PCDH15: variants seen among roughly 807,000 people sequenced by gnomAD.
PCDH15 encodes protocadherin-15.
In PCDH15, 129 loss-of-function variants were observed where a neutral mutation model predicts 178.5. The ratio of observed to expected loss-of-function variants is 0.72; its 90% CI spans 0.63 to 0.84. The LOEUF is 0.84. Ranked by LOEUF, PCDH15 falls within the 40% of genes least tolerant of loss-of-function variation. The pLI is 0.00. For missense variants in PCDH15, 2,230 were observed against 2,099.9 expected, an observed-to-expected ratio of 1.06 and a Z score of -1.21; for synonymous variants, 800 against 732.0, an observed-to-expected ratio of 1.09 and a Z score of -1.50.
chr10:54,521,812 G>T (rs557249721), intron 3 of PCDH15, among the ~76,000 whole-genome samples: 1 of 151,928 alleles, frequency 6.6e-6, no homozygotes, highest in Non-Finnish European at 1.5e-5. Flanking sequence ...AAAGTTGGCC[G>T]GGCGTGGTGG....
At chr10:53,903,451 CTT>C (rs1198227456) in intron 25 of PCDH15, 81 bp from the exon 26 acceptor site, 4 of 1,503,440 alleles carry the variant, frequency 2.7e-6, no homozygotes, top group Non-Finnish European at 3.7e-6. Context: ...ATTTGCTGCA[CTT>C]TTTTTTGGAA....
chr10:54,525,753 A>G lies in PCDH15; in HGVS notation c.157+2059T>C, dbSNP rs556263200. Among the ~76,000 whole-genome samples the G allele has an allele frequency of 2.6e-5, 4 of 152,320 alleles. No individual in the cohort carries two copies. The East Asian group carries it at 7.7e-4, about 29-fold the overall frequency. On this transcript the variant is annotated intron_variant, in intron 3 of 37. Transcript: ENST00000644397. ...GGACTACAGGCATGAGCCACCCAAC[A>G]TGGCCAAAAATAATTGTGTCATTGG...
intron 18 of PCDH15, among the ~76,000 whole-genome samples, chr10:54,025,908 C>T (rs1343318161): frequency 1.3e-5 from 2 of 152,110 alleles, no homozygotes; most frequent in Admixed American, 1.3e-4. Flanking sequence ...AGGCATCCTC[C>T]TTCACTTTTA....
At chr10:55,156,882 T>G in intron 2 of PCDH15, among the ~76,000 whole-genome samples, 1 of 152,090 alleles carries the variant, frequency 6.6e-6, no homozygotes, top group East Asian at 1.9e-4. Flanking sequence ...TGGAATAGGA[T>G]AGGCTGAGAT....
At chr10:54,167,847 C>T (rs960927060) in intron 13 of PCDH15, among the ~76,000 whole-genome samples, 1 of 150,740 alleles carries the variant, frequency 6.6e-6, no homozygotes, top group African/African-American at 2.4e-5. Flanking sequence ...TATTTCCGTG[C>T]CCCGACCCCT....
chr10:54,560,330 G>C (rs1359802227), intron 2 of PCDH15, among the ~76,000 whole-genome samples: 1 of 152,092 alleles, frequency 6.6e-6, no homozygotes, highest in Non-Finnish European at 1.5e-5. Flanking sequence ...TTCTAAAAGT[G>C]AGTGTTCCTG....
intron 3 of PCDH15, among the ~76,000 whole-genome samples, chr10:54,823,715 G>T (rs779152348): frequency 2.0e-5 from 3 of 151,904 alleles, no homozygotes; most frequent in Non-Finnish European, 4.4e-5. Context: ...GTACCCATTG[G>T]TGCTATTCTA....
chr10:53,912,619 G>A lies in PCDH15; in HGVS notation c.3374-9249C>T, dbSNP rs953157228. ...AAGTCTCAGGATACAAAATCAATGTGCAAAAATCACAAGCATTCCTATACA... is the reference window on the plus strand; with the variant it reads ...AAGTCTCAGGATACAAAATCAATGTACAAAAATCACAAGCATTCCTATACA... On this transcript the variant is annotated intron_variant, in intron 25 of 37. Coordinates refer to ENST00000644397, the MANE Select transcript of PCDH15 (RefSeq NM_001384140.1). Among the ~76,000 whole-genome samples, 5 of 152,128 alleles carry A rather than the reference G, an allele frequency of 3.3e-5. No homozygotes were observed. In the East Asian group the frequency reaches 5.8e-4, roughly 18 times the overall value.
At chr10:54,439,413 C>A (rs1028202077) in intron 3 of PCDH15, among the ~76,000 whole-genome samples, 2 of 152,012 alleles carry the variant, frequency 1.3e-5, no homozygotes, top group Admixed American at 1.3e-4. Flanking sequence ...TCTGGTGAAG[C>A]ATTTTAATGA....
At chr10:54,845,158 A>G (rs1012350501) in intron 3 of PCDH15, among the ~76,000 whole-genome samples, 2 of 151,764 alleles carry the variant, frequency 1.3e-5, no homozygotes, top group Admixed American at 6.6e-5. Flanking sequence ...AATGTGCTTA[A>G]TTACTTACCT....
At chr10:54,419,193 A>G (rs1314056214) in intron 3 of PCDH15, among the ~76,000 whole-genome samples, 3 of 151,830 alleles carry the variant, frequency 2.0e-5, no homozygotes, top group Non-Finnish European at 2.9e-5. Context: ...CTGTCAAAAC[A>G]ATTTAAGTTC....
chr10:53,832,434 T>C (rs2077067172), intron 29 of PCDH15, among the ~76,000 whole-genome samples: 1 of 151,916 alleles, frequency 6.6e-6, no homozygotes, highest in African/African-American at 2.4e-5. Context: ...GTGTTCTTAA[T>C]ACAACAACAC....
chr10:54,830,440 T>C (rs1452190059), intron 3 of PCDH15, among the ~76,000 whole-genome samples: 1 of 152,076 alleles, frequency 6.6e-6, no homozygotes, highest in African/African-American at 2.4e-5. Context: ...TGTAGGGACA[T>C]GGATGAAGCT....
intron 4 of PCDH15, 149 bp from the exon 5 acceptor site, chr10:54,369,424 A>G (rs1158798709): frequency 3.9e-6 from 3 of 770,642 alleles, no homozygotes; most frequent in Admixed American, 5.0e-5. Flanking sequence ...TTTTAAGGAC[A>G]AGAGAAGACA....
At chr10:54,323,762 G>A (rs2061755987) in intron 7 of PCDH15, among the ~76,000 whole-genome samples, 1 of 151,624 alleles carries the variant, frequency 6.6e-6, no homozygotes, top group Non-Finnish European at 1.5e-5. Flanking sequence ...GTACTATGCT[G>A]ACCACCTGAG....
intron 2 of PCDH15, among the ~76,000 whole-genome samples, chr10:55,624,372 G>C (rs772816473): frequency 6.6e-6 from 1 of 151,498 alleles, no homozygotes; most frequent in East Asian, 1.9e-4. Flanking sequence ...TAGAGAGGAC[G>C]TTTCATTAAA....
intron 25 of PCDH15, among the ~76,000 whole-genome samples, chr10:53,932,827 T>A (rs1299889645): frequency 6.6e-6 from 1 of 152,086 alleles, no homozygotes; most frequent in African/African-American, 2.4e-5. Flanking sequence ...GGAAGAAGGT[T>A]TTAATCCAAT....
At chr10:55,577,028 G>A (rs1350063808) in intron 2 of PCDH15, among the ~76,000 whole-genome samples, 1 of 152,142 alleles carries the variant, frequency 6.6e-6, no homozygotes, top group African/African-American at 2.4e-5. Context: ...TGGATCACAA[G>A]GTCAGGAGTT....
intron 3 of PCDH15, among the ~76,000 whole-genome samples, chr10:54,525,102 T>C (rs1317526892): frequency 2.6e-5 from 4 of 152,218 alleles, no homozygotes; most frequent in Non-Finnish European, 5.9e-5. Flanking sequence ...TGTGTATAAA[T>C]AAGTGTTCTA....
Sources: gnomAD v4.1 joint callset for allele counts (sites outside exome capture counted in the v4.1 genomes callset) on GRCh38, gnomAD v4.1.1 for gene constraint, MANE v1.5 for transcripts, NCBI Gene and HGNC (gene_info 2026-07-23, HGNC 2026-07-21) for gene names.